Variants in PDSS2 observed in about 807,000 individuals in gnomAD.
PDSS2 encodes the protein decaprenyl diphosphate synthase subunit 2.
In PDSS2, 31 loss-of-function variants were observed where a neutral mutation model predicts 44.5. That is an observed-to-expected ratio of 0.70 (90% CI 0.52 to 0.94). The LOEUF (loss-of-function observed/expected upper bound fraction) is 0.94. PDSS2 is among the 40% of genes least tolerant of loss of function. PDSS2 has a pLI of 0.00. For synonymous variants in PDSS2, 157 were observed against 180.3 expected (o/e 0.87, Z 1.03); for missense variants, 452 against 482.2 (o/e 0.94, Z 0.59).
At chr6:107,330,256 T>C (rs1449433077) in intron 2 of PDSS2, among the ~76,000 whole-genome samples, 1 of 152,048 alleles carries the variant, frequency 6.6e-6, no homozygotes, top group Non-Finnish European at 1.5e-5. Flanking sequence ...ATAGTAAATA[T>C]CACTTCTACT....
chr6:107,326,156 G>A (rs1483354158), intron 2 of PDSS2, among the ~76,000 whole-genome samples: 1 of 147,900 alleles, frequency 6.8e-6, no homozygotes, highest in Non-Finnish European at 1.5e-5. Context: ...AGGCTGGAGT[G>A]CAGTGGCACA....
At chr6:107,378,060 A>G (rs1235603273) in intron 1 of PDSS2, among the ~76,000 whole-genome samples, 1 of 150,236 alleles carries the variant, frequency 6.7e-6, no homozygotes, top group Non-Finnish European at 1.5e-5. Context: ...TAAAAATAAA[A>G]ATAAATAAAT....
chr6:107,173,572 C>CAAAAAAAAAAAAAAAAAAAAAAAAA (rs71012783), intron 7 of PDSS2, among the ~76,000 whole-genome samples: 3 of 41,512 alleles, frequency 7.2e-5, no homozygotes, highest in African/African-American at 3.8e-4. Context: ...GACTCTGTCT[C>CAAAAAAAAAAAAAAAAAAAAAAAAA]AAAAAAAAAA....
chr6:107,385,451 T>C lies in PDSS2; in HGVS notation c.297-51119A>G, dbSNP rs566399864. 8.7e-4 allele frequency among the ~76,000 whole-genome samples: 133 copies of C among 152,314 alleles called. 3 individuals are homozygous for C. In the South Asian group the frequency reaches 0.027, roughly 31 times the overall value. ...AATGAGGTACGCTGGTTAATACCAA[T>C]TGACTACATACAGATTAGTACTTAC... On this transcript the variant is annotated intron_variant, in intron 1 of 7. Transcript: ENST00000369037.
At chr6:107,452,906 C>A (rs1212521002) in intron 1 of PDSS2, among the ~76,000 whole-genome samples, 1 of 152,086 alleles carries the variant, frequency 6.6e-6, no homozygotes, top group Non-Finnish European at 1.5e-5. Context: ...ACCTTGTGAT[C>A]TGCCCGCCTC....
At chr6:107,197,337 G>C (rs1336900939) in intron 6 of PDSS2, among the ~76,000 whole-genome samples, 1 of 151,892 alleles carries the variant, frequency 6.6e-6, no homozygotes, top group African/African-American at 2.4e-5. Context: ...TCAAAATATG[G>C]TACGTGCCTG....
chr6:107,168,118 C>G (rs1398441790), intron 7 of PDSS2, among the ~76,000 whole-genome samples: 22 of 152,240 alleles, frequency 1.4e-4, no homozygotes, highest in African/African-American at 5.1e-4. Context: ...GTCTAAGTCT[C>G]TTTGTAGGTC....
chr6:107,408,359 T>C (rs901218757), intron 1 of PDSS2, among the ~76,000 whole-genome samples: 3 of 152,212 alleles, frequency 2.0e-5, no homozygotes, highest in Admixed American at 2.0e-4. Context: ...CCTATACTTA[T>C]TTCTACAAGA....
chr6:107,155,588 T>A (rs1242446131), intron 7 of PDSS2, among the ~76,000 whole-genome samples: 3 of 151,622 alleles, frequency 2.0e-5, no homozygotes, highest in African/African-American at 7.3e-5. Flanking sequence ...TTACTTTTTT[T>A]TTTTTTTTTT....
chr6:107,248,754 A>G (rs1299067928), intron 3 of PDSS2, among the ~76,000 whole-genome samples: 1 of 152,224 alleles, frequency 6.6e-6, no homozygotes, highest in Non-Finnish European at 1.5e-5. Flanking sequence ...ATTTATAATT[A>G]GGCATGTAAA....
At chr6:107,441,920 G>A (rs1335689644) in intron 1 of PDSS2, among the ~76,000 whole-genome samples, 1 of 152,152 alleles carries the variant, frequency 6.6e-6, no homozygotes, top group Non-Finnish European at 1.5e-5. Context: ...TGGCAATAAA[G>A]ACCAAACAGA....
At chr6:107,258,496 A>T (rs1263719696) in intron 3 of PDSS2, among the ~76,000 whole-genome samples, 1 of 151,454 alleles carries the variant, frequency 6.6e-6, no homozygotes, top group Non-Finnish European at 1.5e-5. Context: ...GCTTTTGCTT[A>T]TAAGTTGCTA....
intron 3 of PDSS2, among the ~76,000 whole-genome samples, chr6:107,251,290 TA>T (rs1280406049): frequency 6.6e-6 from 1 of 152,246 alleles, no homozygotes; most frequent in Non-Finnish European, 1.5e-5. Context: ...CTTTATAACT[TA>T]ATTTGCTTGG....
intron 3 of PDSS2, among the ~76,000 whole-genome samples, chr6:107,248,457 A>G (rs2114818517): frequency 6.6e-6 from 1 of 151,342 alleles, no homozygotes; most frequent in South Asian, 2.1e-4. Flanking sequence ...AAAAAAAAAG[A>G]AGGTTCAAAG....
intron 7 of PDSS2, among the ~76,000 whole-genome samples, chr6:107,155,581 C>CT (rs398066143): frequency 0.069 from 9,463 of 136,668 alleles, 368 homozygotes; most frequent in Middle Eastern, 0.095. Context: ...CTGAATGTTA[C>CT]TTTTTTTTTT....
At chr6:107,201,037 T>C (rs1231766393) in intron 6 of PDSS2, among the ~76,000 whole-genome samples, 1 of 152,108 alleles carries the variant, frequency 6.6e-6, no homozygotes, top group Non-Finnish European at 1.5e-5. Flanking sequence ...ATGGAATCTA[T>C]ATTTCAACAG....
chr6:107,210,531 T>C lies in PDSS2; in HGVS notation c.916A>G (p.Ser306Gly), dbSNP rs765495507. The C allele has an allele frequency of 1.2e-6, 2 of 1,602,284 alleles. No homozygotes were observed. The highest frequency in any genetic ancestry group is 1.7e-6 in the Non-Finnish European group (2 of 1,169,544). The change falls in exon 6 of 8, where the codon AGT becomes GGT. Residue 306 changes from serine (S) to glycine (G), a missense_variant. Physicochemically the swap from Ser to Gly is moderately conservative, Grantham distance 56. Transcript: ENST00000369037. ...DVQPFIKEKT[S>G]DSMTFNLNSA... ...TTTAGATTAAAAGTCATGGAGTCAC[T>C]GGTCTTTTCTTTAATAAAAGGCTGG...
At chr6:107,454,595 G>A (rs1202808032) in intron 1 of PDSS2, among the ~76,000 whole-genome samples, 1 of 151,110 alleles carries the variant, frequency 6.6e-6, no homozygotes. Context: ...TTGACAAGAT[G>A]TCTTAGGTAA....
intron 3 of PDSS2, among the ~76,000 whole-genome samples, chr6:107,260,370 A>C (rs1308891050): frequency 6.6e-6 from 1 of 152,222 alleles, no homozygotes; most frequent in Non-Finnish European, 1.5e-5. Context: ...CAACTTTAAG[A>C]ATTTAAGAAA....
Sources: allele counts gnomAD v4.1 joint callset (sites outside exome capture counted in the v4.1 genomes callset), GRCh38; gene constraint gnomAD v4.1.1; transcripts MANE v1.5; gene names NCBI Gene and HGNC (gene_info 2026-07-23, HGNC 2026-07-21).